The following SMPX variants were observed in gnomAD, a reference collection of about 807,000 sequenced individuals.
The protein encoded by SMPX is small muscle protein X-linked, also known as small muscular protein.
SMPX carries 2 observed loss-of-function variants against 6.3 expected under a neutral mutation model. The ratio of observed to expected loss-of-function variants is 0.32; its 90% CI spans 0.13 to 0.99. The LOEUF (loss-of-function observed/expected upper bound fraction) is 0.99, where lower values mean the gene tolerates loss of function less well. Ranked by LOEUF, SMPX falls within the 50% of genes least tolerant of loss-of-function variation. The pLI is 0.49. For missense variants in SMPX, 60 were observed against 66.8 expected (o/e 0.90, Z 0.36); for synonymous variants, 32 against 24.7 (o/e 1.30, Z -0.88).
At position 21,745,180 on chromosome X, in the gene SMPX, A is replaced by G. The variant is rs138137998; in HGVS notation, c.46-1344T>C. On this transcript the variant is annotated intron_variant, in intron 2 of 4. Coordinates refer to ENST00000379494, the MANE Select transcript of SMPX (RefSeq NM_014332.3). ...TGTGGAGCCATTCCTAGTACCAACAAGCCAAGGAGTATTTTTAATCAGTAT... is the reference window on the plus strand; with the variant it reads ...TGTGGAGCCATTCCTAGTACCAACAGGCCAAGGAGTATTTTTAATCAGTAT... Among the ~76,000 whole-genome samples, 14 of 112,360 alleles carry G rather than the reference A, an allele frequency of 1.2e-4. No individual in the cohort carries two copies. The East Asian group carries it at 3.9e-3, about 31-fold the overall frequency.
chrX:21,731,589 T>C (rs1211531099), intron 4 of SMPX, among the ~76,000 whole-genome samples: 4 of 96,089 alleles, frequency 4.2e-5, no homozygotes, highest in Non-Finnish European at 8.5e-5. Flanking sequence ...TATGTGTATA[T>C]GTACACATTA....
chrX:21,706,760 C>T (rs181612609), intron 4 of SMPX, among the ~76,000 whole-genome samples: 389 of 110,271 alleles, frequency 3.5e-3, no homozygotes, highest in Non-Finnish European at 6.3e-3. Context: ...ATCACGAGGG[C>T]GGTTCCCCCC....
chrX:21,712,651 C>T (rs2092780033), intron 4 of SMPX, among the ~76,000 whole-genome samples: 1 of 111,021 alleles, frequency 9.0e-6, no homozygotes, highest in Non-Finnish European at 1.9e-5. Context: ...CTCCCTGTCT[C>T]TAAAGGGGCC....
intron 4 of SMPX, among the ~76,000 whole-genome samples, chrX:21,709,726 T>C (rs1187980635): frequency 8.9e-6 from 1 of 111,876 alleles, no homozygotes; most frequent in Admixed American, 9.5e-5. Context: ...AGCCCCATGA[T>C]GGCCAGGGTA....
intron 4 of SMPX, among the ~76,000 whole-genome samples, chrX:21,707,122 C>A (rs1325001708): frequency 2.8e-5 from 3 of 107,844 alleles, no homozygotes; most frequent in Non-Finnish European, 5.8e-5. Context: ...AAGCCCCTGG[C>A]AACCACCATT....
intron 4 of SMPX, among the ~76,000 whole-genome samples, chrX:21,715,245 T>C (rs12838533): frequency 9.2e-6 from 1 of 108,360 alleles, no homozygotes; most frequent in Non-Finnish European, 1.9e-5. Flanking sequence ...TTATAGGCTG[T>C]TGTAACTCAC....
chrX:21,747,589 C>T (rs1180934779), intron 2 of SMPX, among the ~76,000 whole-genome samples: 1 of 111,486 alleles, frequency 9.0e-6, no homozygotes, highest in Non-Finnish European at 1.9e-5. Context: ...TCCTCCACAC[C>T]CCTTTCTGTG....
intron 4 of SMPX, among the ~76,000 whole-genome samples, chrX:21,713,264 G>T (rs1349975683): frequency 1.8e-5 from 2 of 112,199 alleles, no homozygotes; most frequent in African/African-American, 6.5e-5. Context: ...AGGAAATTCA[G>T]ATCCAGAGGG....
chrX:21,749,989 G>A (rs980538731), intron 2 of SMPX, among the ~76,000 whole-genome samples: 7 of 111,771 alleles, frequency 6.3e-5, no homozygotes, highest in African/African-American at 9.7e-5. Flanking sequence ...TTTCATTAAC[G>A]GTGGAGAGAA....
chrX:21,709,705 G>A (rs1441252106), intron 4 of SMPX, among the ~76,000 whole-genome samples: 1 of 111,724 alleles, frequency 9.0e-6, no homozygotes, highest in Non-Finnish European at 1.9e-5. Context: ...TCTGCCCTAG[G>A]TCCCAGCTCT....
intron 4 of SMPX, among the ~76,000 whole-genome samples, chrX:21,710,469 C>T (rs754721404): frequency 1.4e-4 from 16 of 111,110 alleles, no homozygotes; most frequent in Non-Finnish European, 2.6e-4. Flanking sequence ...ACTCAGGTGA[C>T]GGGGGCACTA....
At chrX:21,755,311 G>A (rs1014829840) in intron 1 of SMPX, among the ~76,000 whole-genome samples, 2 of 112,972 alleles carry the variant, frequency 1.8e-5, no homozygotes, top group African/African-American at 6.4e-5. Flanking sequence ...TAAGTGGTGT[G>A]TCCACTGGTG....
intron 4 of SMPX, among the ~76,000 whole-genome samples, chrX:21,717,893 G>A (rs1357449967): frequency 8.9e-6 from 1 of 112,494 alleles, no homozygotes; most frequent in African/African-American, 3.2e-5. Flanking sequence ...TTCTGAGCAT[G>A]TGTAAAGGCC....
intron 4 of SMPX, among the ~76,000 whole-genome samples, chrX:21,714,718 A>G (rs1050875578): frequency 2.7e-5 from 3 of 112,440 alleles, no homozygotes; most frequent in Admixed American, 9.4e-5. Flanking sequence ...GATTTTCTTA[A>G]ACGAAAATCA....
intron 2 of SMPX, among the ~76,000 whole-genome samples, chrX:21,748,148 A>C (rs1201956355): frequency 8.9e-6 from 1 of 111,778 alleles, no homozygotes; most frequent in Non-Finnish European, 1.9e-5. Flanking sequence ...ATATCTACCT[A>C]CTACAATATA....
intron 4 of SMPX, among the ~76,000 whole-genome samples, chrX:21,710,068 AG>A (rs1327056827): frequency 1.8e-5 from 2 of 112,094 alleles, no homozygotes; most frequent in African/African-American, 6.5e-5. Context: ...TGAGAAACAT[AG>A]GATGAGCCAT....
intron 4 of SMPX, among the ~76,000 whole-genome samples, chrX:21,716,918 C>A (rs1358494629): frequency 1.8e-5 from 2 of 111,885 alleles, no homozygotes; most frequent in African/African-American, 3.3e-5. Context: ...CAATGTAAAT[C>A]TTTTTTTCTT....
chrX:21,732,742 T>G (rs1213189964), intron 4 of SMPX, among the ~76,000 whole-genome samples: 1 of 112,228 alleles, frequency 8.9e-6, no homozygotes. Context: ...AGGACTCTTA[T>G]GGACTGCATG....
chrX:21,752,859 G>A lies in SMPX; in HGVS notation c.45+1387C>T, dbSNP rs2092828989. Among the ~76,000 whole-genome samples the A allele has an allele frequency of 3.6e-5, 4 of 111,372 alleles. No individual in the cohort carries two copies. The South Asian group carries it at 1.5e-3, about 43-fold the overall frequency. ...CATTTTATACATGTAGCCCTAGGAA[G>A]TGAATACTATTATTTTATCTCCATT... is the stretch of plus-strand genomic sequence containing the variant. On this transcript the variant is annotated intron_variant, in intron 2 of 4. Coordinates refer to ENST00000379494, the MANE Select transcript of SMPX (RefSeq NM_014332.3).
Sources: allele counts gnomAD v4.1 joint callset (sites outside exome capture counted in the v4.1 genomes callset), GRCh38; gene constraint gnomAD v4.1.1; transcripts MANE v1.5; gene names NCBI Gene and HGNC (gene_info 2026-07-23, HGNC 2026-07-21).